The following USP33 variants were observed in gnomAD, a reference collection of about 807,000 sequenced individuals.
USP33 encodes ubiquitin specific peptidase 33.
USP33 carries 46 observed loss-of-function variants against 124.2 expected under a neutral mutation model. The ratio of observed to expected loss-of-function variants is 0.37; its 90% confidence interval spans 0.29 to 0.47. USP33 has a LOEUF of 0.47. Ranked by LOEUF, USP33 falls within the 20% of genes least tolerant of loss-of-function variation. The pLI, the probability that USP33 is intolerant of heterozygous loss-of-function variation, is 0.99. For missense variants in USP33, 851 were observed against 1,070.6 expected, an observed-to-expected ratio of 0.79 and a Z score of 2.86; for synonymous variants, 350 against 352.3, an observed-to-expected ratio of 0.99 and a Z score of 0.07.
chr1:77,730,956 T>G (rs925341627), intron 7 of USP33, among the ~76,000 whole-genome samples: 1 of 152,160 alleles, frequency 6.6e-6, no homozygotes, highest in African/African-American at 2.4e-5. Context: ...CACTTTTCAG[T>G]CCCCACTCAG....
At position 77,722,207 on chromosome 1, in the gene USP33, T is replaced by C. The variant is rs1484165159; in HGVS notation, c.1390-11A>G. 1 of 1,599,880 alleles carries C rather than the reference T, an allele frequency of 6.3e-7. No homozygotes were observed. ...GAGGGTTACAGACACCTAAAATTGT[T>C]TTGTGTTTTAAAAATGGGATGAACA... On this transcript the variant is annotated splice_polypyrimidine_tract_variant and intron_variant, in intron 12 of 23. Transcript: ENST00000370794.
intron 21 of USP33, among the ~76,000 whole-genome samples, chr1:77,707,909 T>C (rs1020433478): frequency 1.3e-5 from 2 of 152,202 alleles, no homozygotes; most frequent in Non-Finnish European, 2.9e-5. Context: ...ATTCTTTAGA[T>C]TACAGACCAT....
Position 77,711,861 on chromosome 1 carries a change from GC to G in USP33, c.2298-7del, listed in dbSNP as rs746960260. The stretch of plus-strand genomic sequence containing the variant: ...CAGCTGGTCCTCCACCATACCTAAA[GC>G]ATGAAAAATTTAAGAATTAATGTTC... On this transcript the variant is annotated splice_region_variant and splice_polypyrimidine_tract_variant and intron_variant, in intron 20 of 23. Transcript: ENST00000370794. The G allele has an allele frequency of 1.3e-6, 2 of 1,582,860 alleles. No homozygotes were observed. The highest frequency in any genetic ancestry group is 2.7e-5 in the African/African-American group (2 of 72,774).
intron 22 of USP33, among the ~76,000 whole-genome samples, chr1:77,698,364 C>T (rs1485592550): frequency 6.6e-6 from 1 of 151,800 alleles, no homozygotes; most frequent in Non-Finnish European, 1.5e-5. Context: ...TGAGCCACTA[C>T]ACCTGGCCTA....
chr1:77,752,495 T>C (rs1680430441), intron 1 of USP33, among the ~76,000 whole-genome samples: 1 of 152,192 alleles, frequency 6.6e-6, no homozygotes, highest in Non-Finnish European at 1.5e-5. Context: ...CTTTTAATAT[T>C]GAGAAACTGC....
At chr1:77,755,719 T>C (rs188996716) in intron 1 of USP33, among the ~76,000 whole-genome samples, 5 of 152,222 alleles carry the variant, frequency 3.3e-5, no homozygotes, top group African/African-American at 9.6e-5. Flanking sequence ...ATATAAGAAA[T>C]TCCTCTTCTA....
At chr1:77,715,452 G>A (rs374988957) in intron 18 of USP33, among the ~76,000 whole-genome samples, 14 of 152,124 alleles carry the variant, frequency 9.2e-5, no homozygotes, top group East Asian at 3.9e-4. Flanking sequence ...TGATCCACCC[G>A]CCTTGGCCTC....
chr1:77,709,051 AAGTT>A (rs1204102967), intron 21 of USP33, among the ~76,000 whole-genome samples: 1 of 152,110 alleles, frequency 6.6e-6, no homozygotes, highest in African/African-American at 2.4e-5. Flanking sequence ...TCTCTGCTGA[AAGTT>A]AGTCTTTTCC....
chr1:77,701,348 AT>A lies in USP33; in HGVS notation c.2509+20del. ...AAAACAAATAATTTACCAAAAAAAAATTTTTCAGTCAACCACTTACCTCCAT... is the reference window on the plus strand; with the variant it reads ...AAAACAAATAATTTACCAAAAAAAAATTTTCAGTCAACCACTTACCTCCAT... On this transcript the variant is annotated intron_variant, in intron 22 of 23. Coordinates refer to ENST00000370794, the MANE Select transcript of USP33 (RefSeq NM_201624.3). The A allele has an allele frequency of 1.9e-6, 3 of 1,560,552 alleles. No homozygotes were observed. Among genetic ancestry groups the A allele is most frequent in the East Asian group, 2.3e-5 (1 of 44,404 alleles).
intron 22 of USP33, 78 bp downstream of exon 22, chr1:77,701,291 C>T (rs1227228437): frequency 1.1e-5 from 11 of 996,614 alleles, no homozygotes; most frequent in South Asian, 7.3e-5. Context: ...CCCAAGTGCA[C>T]ACAGATATTC....
At chr1:77,741,068 T>A (rs1318716892) in intron 3 of USP33, 129 bp from the exon 4 acceptor site, 3 of 666,186 alleles carry the variant, frequency 4.5e-6, no homozygotes, top group Non-Finnish European at 2.5e-6. Flanking sequence ...TAAATGACTT[T>A]CCAGTCATTA....
chr1:77,725,809 T>A lies in USP33; in HGVS notation c.1136-47A>T. The A allele has an allele frequency of 2.0e-6, 3 of 1,510,984 alleles. No individual in the cohort carries two copies. In the South Asian group the frequency reaches 3.7e-5, roughly 19 times the overall value. The allele number at this position is 1,510,984 out of a possible 1,614,324, so 93.6% of individuals were successfully genotyped here. ...TTATTACCTTAAATAGTAAAATTAT[T>A]CTAACTGTCCAATAATGTTAAAGGT... is the stretch of plus-strand genomic sequence containing the variant. On this transcript the variant is annotated intron_variant, in intron 10 of 23. Coordinates refer to ENST00000370794, the MANE Select transcript of USP33 (RefSeq NM_201624.3).
chr1:77,756,227 G>GCCACAGCACCTGGCTCCCCTC (rs1232834825), intron 1 of USP33, among the ~76,000 whole-genome samples: 4 of 152,026 alleles, frequency 2.6e-5, no homozygotes, highest in Non-Finnish European at 5.9e-5. Context: ...ACAGGCTCAA[G>GCCACAGCACCTGGCTCCCCTC]CCACAGCACC....
intron 16 of USP33, among the ~76,000 whole-genome samples, 188 bp from the exon 17 acceptor site, chr1:77,718,235 T>C (rs1676146892): frequency 6.6e-6 from 1 of 152,220 alleles, no homozygotes; most frequent in Non-Finnish European, 1.5e-5. Context: ...ATTCAATATA[T>C]ACTGAAGTGT....
chr1:77,720,177 A>AC (rs1376415950), intron 15 of USP33: 2 of 390,614 alleles, frequency 5.1e-6, no homozygotes, highest in Admixed American at 6.5e-5. Context: ...AAAAAAAAAA[A>AC]AAAAAAAAAA....
Position 77,697,286 on chromosome 1 carries a change from T to G in USP33, c.*31A>C, listed in dbSNP as rs1016588654. 6.4e-7 allele frequency: 1 copy of G among 1,550,634 alleles called. No homozygotes were observed. Among genetic ancestry groups the G allele is most frequent in the African/African-American group, 1.4e-5 (1 of 72,308 alleles). ...TACATGTCAGGGCACATGAAAATGA[T>G]TCCTCATTAGAACTCTCTACATCCT... On this transcript the variant is annotated 3_prime_UTR_variant, in exon 24 of 24. Transcript: ENST00000370794.
intron 5 of USP33, among the ~76,000 whole-genome samples, chr1:77,738,943 A>C (rs1678805092): frequency 6.6e-6 from 1 of 152,186 alleles, no homozygotes; most frequent in Non-Finnish European, 1.5e-5. Context: ...CTATCAAAGA[A>C]GGCCCACCAC....
intron 7 of USP33, among the ~76,000 whole-genome samples, chr1:77,731,704 T>C (rs1317600531): frequency 6.6e-6 from 1 of 152,162 alleles, no homozygotes; most frequent in Non-Finnish European, 1.5e-5. Flanking sequence ...CACATCTTTT[T>C]CAATGAAATC....
intron 10 of USP33, 71 bp from the exon 11 acceptor site, chr1:77,725,833 G>A: frequency 1.5e-6 from 2 of 1,343,054 alleles, no homozygotes; most frequent in Non-Finnish European, 1.0e-6. Flanking sequence ...AATGTTAAAG[G>A]TTTCTTAATT....
Sources: allele counts gnomAD v4.1 joint callset (sites outside exome capture counted in the v4.1 genomes callset), GRCh38; gene constraint gnomAD v4.1.1; transcripts MANE v1.5; gene names NCBI Gene and HGNC (gene_info 2026-07-23, HGNC 2026-07-21).